The following CDH13 variants were observed in gnomAD, a reference collection of about 807,000 sequenced individuals.
The protein encoded by CDH13 is cadherin 13.
A neutral mutation model predicts 63.8 loss-of-function variants in CDH13; 24 were observed. That is an observed-to-expected ratio of 0.38 (90% CI 0.27 to 0.53). CDH13 has a LOEUF of 0.53. Among genes scored for constraint, CDH13 ranks in the 20% least tolerant of loss-of-function variants. CDH13 has a pLI of 0.85. For synonymous variants in CDH13, 503 were observed against 355.3 expected (o/e 1.42, Z -4.67); for missense variants, 1,049 against 903.1 (o/e 1.16, Z -2.07).
At chr16:83,063,531 A>G (rs1490746867) in intron 3 of CDH13, among the ~76,000 whole-genome samples, 1 of 152,244 alleles carries the variant, frequency 6.6e-6, no homozygotes, top group Non-Finnish European at 1.5e-5. Flanking sequence ...TTATAGCAAT[A>G]GAGATGGACA....
At chr16:83,311,892 T>C (rs767851434) in intron 5 of CDH13, among the ~76,000 whole-genome samples, 2 of 151,984 alleles carry the variant, frequency 1.3e-5, no homozygotes, top group Non-Finnish European at 2.9e-5. Context: ...CTGACCAAAA[T>C]GGAGAAACCC....
chr16:83,194,204 G>A (rs1015106605), intron 4 of CDH13, among the ~76,000 whole-genome samples: 6 of 152,188 alleles, frequency 3.9e-5, no homozygotes, highest in Admixed American at 3.3e-4. Flanking sequence ...TGCAGCCTTT[G>A]CTAGGTACAC....
At chr16:82,885,162 C>T (rs1161247964) in intron 2 of CDH13, among the ~76,000 whole-genome samples, 1 of 152,268 alleles carries the variant, frequency 6.6e-6, no homozygotes, top group South Asian at 2.1e-4. Flanking sequence ...ATGCATAATG[C>T]ATGATAGTAT....
intron 1 of CDH13, among the ~76,000 whole-genome samples, chr16:82,757,647 G>GTTT (rs776039467): frequency 0.031 from 2,742 of 88,422 alleles, 69 homozygotes; most frequent in Middle Eastern, 0.066. Flanking sequence ...CTTTTTTTTT[G>GTTT]TTTTTTTTTT....
At chr16:83,025,369 C>A (rs1340094518) in intron 2 of CDH13, among the ~76,000 whole-genome samples, 3 of 152,158 alleles carry the variant, frequency 2.0e-5, no homozygotes, top group African/African-American at 4.8e-5. Flanking sequence ...CACAGTTCAG[C>A]ATGGCTGGGG....
At chr16:82,792,869 T>C (rs1025417519) in intron 1 of CDH13, among the ~76,000 whole-genome samples, 7 of 152,200 alleles carry the variant, frequency 4.6e-5, no homozygotes, top group Non-Finnish European at 8.8e-5. Flanking sequence ...GCTAATTGAT[T>C]TGTAAGAAAG....
chr16:83,060,178 C>A (rs2031398273), intron 3 of CDH13, among the ~76,000 whole-genome samples: 1 of 152,000 alleles, frequency 6.6e-6, no homozygotes, highest in Non-Finnish European at 1.5e-5. Context: ...TTTATCAGTG[C>A]CCCTTTGATT....
At chr16:83,754,605 T>C (rs1277232220) in intron 11 of CDH13, among the ~76,000 whole-genome samples, 1 of 152,186 alleles carries the variant, frequency 6.6e-6, no homozygotes, top group East Asian at 1.9e-4. Context: ...TCCCCCATAC[T>C]GTTCTCATGG....
intron 5 of CDH13, among the ~76,000 whole-genome samples, chr16:83,330,159 T>G (rs2090450560): frequency 6.6e-6 from 1 of 152,170 alleles, no homozygotes. Context: ...AACCTGCACA[T>G]GTAATAAAAT....
At chr16:83,203,564 G>A (rs1002384610) in intron 4 of CDH13, among the ~76,000 whole-genome samples, 5 of 144,542 alleles carry the variant, frequency 3.5e-5, no homozygotes, top group Non-Finnish European at 7.5e-5. Context: ...GTGGGTGCCT[G>A]TAGTCCCAGC....
At chr16:83,516,296 T>C (rs2151611993) in intron 7 of CDH13, among the ~76,000 whole-genome samples, 1 of 152,338 alleles carries the variant, frequency 6.6e-6, no homozygotes, top group African/African-American at 2.4e-5. Flanking sequence ...TGAGGTTCTC[T>C]TCTCATCAGA....
At position 83,201,663 on chromosome 16, in the gene CDH13, T is replaced by A. The variant is rs868023160; in HGVS notation, c.484-15682T>A. 5.3e-5 allele frequency among the ~76,000 whole-genome samples: 8 copies of A among 151,498 alleles called. No individual in the cohort carries two copies. In the South Asian group the frequency reaches 1.7e-3, roughly 32 times the overall value. On this transcript the variant is annotated intron_variant, in intron 4 of 13. Coordinates refer to ENST00000567109, the MANE Select transcript of CDH13 (RefSeq NM_001257.5). Reference sequence around the variant, plus strand: ...CTGTAATCCCAGCACTTTGGGAGGCTGAGGCGGGCAGGTCACGAGGTCAGG... The same window carrying A: ...CTGTAATCCCAGCACTTTGGGAGGCAGAGGCGGGCAGGTCACGAGGTCAGG...
At chr16:83,323,175 T>C (rs56220515) in intron 5 of CDH13, among the ~76,000 whole-genome samples, 16,700 of 57,740 alleles carry the variant, frequency 0.29, 1,306 homozygotes, top group South Asian at 0.31. Context: ...CTCTTTCTTT[T>C]TTCTTTCTTT....
chr16:83,260,241 C>T (rs530123763), intron 5 of CDH13, among the ~76,000 whole-genome samples: 7 of 151,598 alleles, frequency 4.6e-5, no homozygotes, highest in Non-Finnish European at 1.0e-4. Flanking sequence ...CTGGTCATGA[C>T]CTATAAATTG....
chr16:83,473,277 C>A (rs1466972513), intron 6 of CDH13, among the ~76,000 whole-genome samples: 3 of 152,246 alleles, frequency 2.0e-5, no homozygotes, highest in Non-Finnish European at 4.4e-5. Flanking sequence ...CAGCTTGCAA[C>A]ATCACCATGT....
chr16:83,619,569 C>T (rs1293832959), intron 8 of CDH13, among the ~76,000 whole-genome samples: 1 of 152,220 alleles, frequency 6.6e-6, no homozygotes, highest in Non-Finnish European at 1.5e-5. Flanking sequence ...TGATGCCTGT[C>T]CCCACACTTC....
At chr16:83,596,487 T>G (rs890459323) in intron 7 of CDH13, among the ~76,000 whole-genome samples, 1 of 152,196 alleles carries the variant, frequency 6.6e-6, no homozygotes, top group Non-Finnish European at 1.5e-5. Flanking sequence ...TGGGATCTCT[T>G]TCTCTGCATC....
chr16:83,295,850 A>G (rs1314893201), intron 5 of CDH13, among the ~76,000 whole-genome samples: 1 of 152,186 alleles, frequency 6.6e-6, no homozygotes, highest in East Asian at 1.9e-4. Flanking sequence ...TCAATATGTC[A>G]AAGAGACGTC....
chr16:83,069,892 C>T (rs895936837), intron 3 of CDH13, among the ~76,000 whole-genome samples: 11 of 152,310 alleles, frequency 7.2e-5, no homozygotes, highest in Admixed American at 7.2e-4. Flanking sequence ...TTGATTCTTG[C>T]TCTCTCTAGA....
Sources: gnomAD v4.1 joint callset for allele counts (sites outside exome capture counted in the v4.1 genomes callset) on GRCh38, gnomAD v4.1.1 for gene constraint, MANE v1.5 for transcripts, NCBI Gene and HGNC (gene_info 2026-07-23, HGNC 2026-07-21) for gene names.